CLNK: variants seen among roughly 807,000 people sequenced by gnomAD.
CLNK encodes cytokine dependent hematopoietic cell linker.
In CLNK, 74 loss-of-function variants were observed where a neutral mutation model predicts 68.6. That is an observed-to-expected ratio of 1.08 (90% CI 0.89 to 1.31). The LOEUF (loss-of-function observed/expected upper bound fraction) is 1.31. Ranked by LOEUF, CLNK falls within the 50% of genes most tolerant of loss-of-function variation. CLNK has a pLI of 0.00. For synonymous variants in CLNK, 198 were observed against 172.2 expected, an observed-to-expected ratio of 1.15 and a Z score of -1.17; for missense variants, 553 against 515.3, an observed-to-expected ratio of 1.07 and a Z score of -0.71.
chr4:10,722,058 C>T, the CLNK span, among the ~76,000 whole-genome samples: 5 of 152,084 alleles, frequency 3.3e-5, no homozygotes, highest in Admixed American at 1.3e-4. Flanking sequence ...ACTGTAATCC[C>T]GGCTACTCGG....
At position 10,489,469 on chromosome 4, in the gene CLNK, T is replaced by C. The variant is rs991861178; in HGVS notation, c.*998A>G. On this transcript the variant is annotated 3_prime_UTR_variant, in exon 19 of 19. Transcript: ENST00000226951. ...GAGCTCTGTACTATGAATGTGTTAATTCCATTTGACTTAAAGCTACTTGAA... is the reference window on the plus strand; with the variant it reads ...GAGCTCTGTACTATGAATGTGTTAACTCCATTTGACTTAAAGCTACTTGAA... 6.6e-6 allele frequency: 1 copy of C among 152,142 alleles called. No individual in the cohort carries two copies. Among genetic ancestry groups the C allele is most frequent in the Non-Finnish European group, 1.5e-5 (1 of 68,028 alleles). 9.4% of individuals were successfully genotyped at this position (152,142 alleles called of 1,614,324 possible).
intron 16 of CLNK, among the ~76,000 whole-genome samples, chr4:10,512,951 A>G (rs958423038): frequency 2.0e-5 from 3 of 152,182 alleles, no homozygotes; most frequent in African/African-American, 7.2e-5. Flanking sequence ...ACACAAGAAC[A>G]CAGTTAGTAT....
chr4:10,555,854 C>A (rs994890407), intron 8 of CLNK, among the ~76,000 whole-genome samples: 3 of 151,888 alleles, frequency 2.0e-5, no homozygotes, highest in Admixed American at 6.6e-5. Context: ...ATGGGGGGGG[C>A]ATTCATATTA....
At chr4:10,559,655 G>A (rs1297688720) in intron 7 of CLNK, among the ~76,000 whole-genome samples, 1 of 152,122 alleles carries the variant, frequency 6.6e-6, no homozygotes, top group East Asian at 1.9e-4. Context: ...CAGGGTCTTA[G>A]GATGGGGCTC....
intron 8 of CLNK, among the ~76,000 whole-genome samples, chr4:10,549,820 G>C (rs1286032041): frequency 2.6e-5 from 4 of 152,208 alleles, no homozygotes. Context: ...TTTTCTCTTG[G>C]AGAAGCCAGG....
At chr4:10,708,281 T>C in the CLNK span, among the ~76,000 whole-genome samples, 1 of 152,242 alleles carries the variant, frequency 6.6e-6, no homozygotes, top group Non-Finnish European at 1.5e-5. Context: ...TTGTTTTGGA[T>C]AATAATATAA....
the CLNK span, among the ~76,000 whole-genome samples, chr4:10,725,843 G>C: frequency 6.9e-6 from 1 of 145,892 alleles, no homozygotes; most frequent in Non-Finnish European, 1.5e-5. Flanking sequence ...GACAGAGGGA[G>C]ACTCCGTCTA....
At chr4:10,568,361 T>C (rs1208671479) in intron 5 of CLNK, among the ~76,000 whole-genome samples, 2 of 152,128 alleles carry the variant, frequency 1.3e-5, no homozygotes, top group South Asian at 2.1e-4. Flanking sequence ...AGTAGATTAA[T>C]ATTTGCCAAG....
intron 7 of CLNK, among the ~76,000 whole-genome samples, chr4:10,562,590 G>C (rs1205141185): frequency 6.6e-6 from 1 of 152,060 alleles, no homozygotes; most frequent in African/African-American, 2.4e-5. Context: ...ATTTTTAGTA[G>C]AGATGGAGTT....
At chr4:10,648,647 A>C (rs970474428) in intron 2 of CLNK, among the ~76,000 whole-genome samples, 1 of 152,176 alleles carries the variant, frequency 6.6e-6, no homozygotes, top group South Asian at 2.1e-4. Flanking sequence ...AGGCTTACAG[A>C]GTAAAGGTTT....
chr4:10,594,479 G>A (rs2108843190), intron 3 of CLNK, among the ~76,000 whole-genome samples: 1 of 152,348 alleles, frequency 6.6e-6, no homozygotes, highest in East Asian at 1.9e-4. Context: ...ATGGGTGCCT[G>A]GGCTCCAGCA....
At chr4:10,597,954 T>C (rs1721446821) in intron 3 of CLNK, 24 bp downstream of exon 3, 2 of 1,492,872 alleles carry the variant, frequency 1.3e-6, no homozygotes, top group Admixed American at 2.0e-5. Flanking sequence ...ACTCCTCTAT[T>C]AATAAACAAG....
upstream of CLNK, among the ~76,000 whole-genome samples, chr4:10,686,976 G>A (rs1267463750): frequency 6.6e-6 from 1 of 151,916 alleles, no homozygotes; most frequent in Non-Finnish European, 1.5e-5. Context: ...AGCTCTATTA[G>A]GTGCTGAAAA....
intron 17 of CLNK, among the ~76,000 whole-genome samples, chr4:10,503,183 C>A (rs570243735): frequency 6.6e-6 from 1 of 151,906 alleles, no homozygotes; most frequent in African/African-American, 2.4e-5. Flanking sequence ...GAATAGAGGC[C>A]GGGTGTGGTG....
chr4:10,682,880 G>A (rs1725145144), intron 1 of CLNK, among the ~76,000 whole-genome samples: 1 of 152,130 alleles, frequency 6.6e-6, no homozygotes, highest in Non-Finnish European at 1.5e-5. Flanking sequence ...ATTCTCTAAT[G>A]AGATTATTAA....
chr4:10,695,911 A>T, the CLNK span, among the ~76,000 whole-genome samples: 1 of 149,704 alleles, frequency 6.7e-6, no homozygotes, highest in Admixed American at 6.7e-5. Context: ...GCTGGAGTGC[A>T]CTGGTGTGAT....
At chr4:10,565,164 G>A (rs1335159020) in intron 6 of CLNK, among the ~76,000 whole-genome samples, 2 of 152,220 alleles carry the variant, frequency 1.3e-5, no homozygotes, top group Non-Finnish European at 2.9e-5. Context: ...TTGAGCTGCT[G>A]GTTTCTGCCA....
chr4:10,490,294 T>C lies in CLNK; in HGVS notation c.*173A>G, dbSNP rs61223248. 42,495 of 503,698 alleles carry C rather than the reference T, an allele frequency of 0.084. 3,343 individuals carry two copies. Among genetic ancestry groups the C allele is most frequent in the African/African-American group, 0.28 (14,317 of 50,418 alleles). 31.2% of individuals were successfully genotyped at this position (503,698 alleles called of 1,614,324 possible). ...TTGCATGTTATAAATATTTTCTCTG[T>C]GGTTTGAACTTTCAAAACCGTGAGT... On this transcript the variant is annotated 3_prime_UTR_variant, in exon 19 of 19. Coordinates refer to ENST00000226951, the MANE Select transcript of CLNK (RefSeq NM_052964.4).
chr4:10,575,182 G>A (rs1720513489), intron 4 of CLNK, among the ~76,000 whole-genome samples: 1 of 152,132 alleles, frequency 6.6e-6, no homozygotes, highest in South Asian at 2.1e-4. Flanking sequence ...TATCTCCATT[G>A]TCTGGAATAA....
Sources: gnomAD v4.1 joint callset for allele counts (sites outside exome capture counted in the v4.1 genomes callset) on GRCh38, gnomAD v4.1.1 for gene constraint, MANE v1.5 for transcripts, NCBI Gene and HGNC (gene_info 2026-07-23, HGNC 2026-07-21) for gene names.